Variants in RGS8 observed in about 807,000 individuals in gnomAD.
RGS8 encodes the protein regulator of G-protein signaling 8.
Under a neutral mutation model 21.7 loss-of-function variants are expected in RGS8, and 8 were observed. The ratio of observed to expected loss-of-function variants is 0.37; its 90% confidence interval spans 0.22 to 0.66. RGS8 has a LOEUF of 0.66. Among genes scored for constraint, RGS8 ranks in the 30% least tolerant of loss-of-function variants. The probability of loss-of-function intolerance (pLI) is 0.59; values close to 1 mark genes in which losing one functional copy is unlikely to be tolerated. For missense variants in RGS8, 157 were observed against 217.9 expected (o/e 0.72, Z 1.76); for synonymous variants, 80 against 83.6 (o/e 0.96, Z 0.24).
the RGS8 span, among the ~76,000 whole-genome samples, chr1:182,701,407 TGA>T: frequency 6.6e-6 from 1 of 152,356 alleles, no homozygotes; most frequent in South Asian, 2.1e-4. Context: ...CACAGGTCAC[TGA>T]GAGATGACTC....
At chr1:182,654,144 T>A (rs10489965) in intron 5 of RGS8, among the ~76,000 whole-genome samples, 102,553 of 152,088 alleles carry the variant, frequency 0.67, 35,326 homozygotes, top group Non-Finnish European at 0.75. Flanking sequence ...GTGGAATACA[T>A]GGCCCAATTA....
chr1:182,727,552 C>G, the RGS8 span, among the ~76,000 whole-genome samples: 712 of 152,248 alleles, frequency 4.7e-3, 11 homozygotes, highest in African/African-American at 0.016. Context: ...TCTTGAACAA[C>G]TCATAACCTA....
the RGS8 span, among the ~76,000 whole-genome samples, chr1:182,724,201 GATATATATATAT>G: frequency 4.7e-3 from 197 of 42,110 alleles, 5 homozygotes; most frequent in South Asian, 0.015. Context: ...GGCTAGACTG[GATATATATATAT>G]ATATATATAT....
upstream of RGS8, among the ~76,000 whole-genome samples, chr1:182,688,779 A>G (rs1664759371): frequency 6.6e-6 from 1 of 152,346 alleles, no homozygotes; most frequent in African/African-American, 2.4e-5. Flanking sequence ...AGTTGCCACT[A>G]GAAGCTGGAG....
the RGS8 span, among the ~76,000 whole-genome samples, chr1:182,740,548 GTTT>G: frequency 7.8e-3 from 592 of 75,960 alleles, 4 homozygotes; most frequent in African/African-American, 0.022. Flanking sequence ...TTGTTTGTTT[GTTT>G]TTTTTTTTTT....
At chr1:182,708,950 G>A in the RGS8 span, among the ~76,000 whole-genome samples, 8 of 152,164 alleles carry the variant, frequency 5.3e-5, no homozygotes, top group African/African-American at 4.8e-5. Flanking sequence ...TGACCTGTGC[G>A]GCCTGCCAAG....
chr1:182,711,578 C>A, the RGS8 span, among the ~76,000 whole-genome samples: 1 of 152,144 alleles, frequency 6.6e-6, no homozygotes, highest in Admixed American at 6.5e-5. Flanking sequence ...ATACCAGCAA[C>A]AAATATTGAG....
chr1:182,661,111 G>A (rs1049461149), intron 5 of RGS8, among the ~76,000 whole-genome samples: 2 of 151,064 alleles, frequency 1.3e-5, no homozygotes, highest in Non-Finnish European at 2.9e-5. Context: ...TCTTCTGCTT[G>A]GTTGCTGTGT....
At position 182,684,334 on chromosome 1, in the gene RGS8, G is replaced by GC. The variant is rs1198892532; in HGVS notation, n.221+21dup. ...GGGACCCACTCAGGCCCTGATGGAA[G>GC]CAGCTGCTCTTTCTTACCTGCCTGG... On this transcript the variant is annotated intron_variant and non_coding_transcript_variant, in intron 1 of 4. Transcript: ENST00000515211. This position sits in a 1 kb window ranked among gnomAD's most constrained non-coding sequence, Gnocchi z 4.2. 1 of 152,618 alleles carries GC rather than the reference G, an allele frequency of 6.6e-6. No individual in the cohort carries two copies. The highest frequency in any genetic ancestry group is 1.5e-5 in the Non-Finnish European group (1 of 68,344). 9.5% of individuals were successfully genotyped at this position (152,618 alleles called of 1,614,324 possible).
chr1:182,710,271 G>C, the RGS8 span, among the ~76,000 whole-genome samples: 16 of 152,254 alleles, frequency 1.1e-4, no homozygotes, highest in South Asian at 3.1e-3. Context: ...TTATCCCTGA[G>C]TAGTGGGTTT....
chr1:182,689,276 C>G (rs956595199), upstream of RGS8, among the ~76,000 whole-genome samples: 312 of 144,114 alleles, frequency 2.2e-3, 2 homozygotes, highest in Non-Finnish European at 2.8e-3. Flanking sequence ...CACACACACA[C>G]ACACACACAC....
chr1:182,708,256 G>A, the RGS8 span, among the ~76,000 whole-genome samples: 3 of 152,124 alleles, frequency 2.0e-5, no homozygotes, highest in African/African-American at 7.2e-5. Context: ...CCCTCTGTTT[G>A]TCTTCCACTC....
At chr1:182,722,910 G>A in the RGS8 span, among the ~76,000 whole-genome samples, 17 of 152,004 alleles carry the variant, frequency 1.1e-4, no homozygotes, top group African/African-American at 4.1e-4. Flanking sequence ...CCCAGGAGGC[G>A]GAGCTTGCAG....
chr1:182,717,332 G>T, the RGS8 span, among the ~76,000 whole-genome samples: 1 of 152,186 alleles, frequency 6.6e-6, no homozygotes, highest in Admixed American at 6.5e-5. Flanking sequence ...GAAAGAAGAG[G>T]CTCCTGGAAC....
intron 5 of RGS8, among the ~76,000 whole-genome samples, chr1:182,660,047 G>T (rs1428675451): frequency 6.6e-6 from 1 of 152,082 alleles, no homozygotes; most frequent in Admixed American, 6.5e-5. Flanking sequence ...ACCATCTCTG[G>T]CATATAACAG....
chr1:182,740,979 C>T, the RGS8 span, among the ~76,000 whole-genome samples: 6 of 152,122 alleles, frequency 3.9e-5, no homozygotes, highest in Non-Finnish European at 8.8e-5. Flanking sequence ...CGGCAACCAT[C>T]CGATTTCTCA....
chr1:182,728,555 G>GT, the RGS8 span, among the ~76,000 whole-genome samples: 2 of 152,178 alleles, frequency 1.3e-5, no homozygotes, highest in African/African-American at 2.4e-5. Context: ...TAGAGGAAGA[G>GT]TAAGTGTGCT....
chr1:182,731,608 A>G, the RGS8 span, among the ~76,000 whole-genome samples: 1 of 152,238 alleles, frequency 6.6e-6, no homozygotes, highest in Non-Finnish European at 1.5e-5. Flanking sequence ...CTTGGTCTCA[A>G]CATTACAAAA....
chr1:182,658,164 G>C (rs1663376924), intron 5 of RGS8, among the ~76,000 whole-genome samples: 1 of 152,196 alleles, frequency 6.6e-6, no homozygotes, highest in Non-Finnish European at 1.5e-5. Flanking sequence ...GAATCTCCAA[G>C]AACACACCTC....
Sources: allele counts gnomAD v4.1 joint callset (sites outside exome capture counted in the v4.1 genomes callset), GRCh38; gene constraint gnomAD v4.1.1; non-coding constraint Gnocchi (gnomAD v3.1); transcripts MANE v1.5; gene names NCBI Gene and HGNC (gene_info 2026-07-23, HGNC 2026-07-21).